CASP4: variants seen among roughly 807,000 people sequenced by gnomAD.
CASP4 encodes caspase-4.
Under a neutral mutation model 41.3 loss-of-function variants are expected in CASP4, and 29 were observed. That is an observed-to-expected ratio of 0.70 (90% CI 0.52 to 0.96). The LOEUF (loss-of-function observed/expected upper bound fraction) is 0.96. CASP4 is among the 40% of genes least tolerant of loss of function. The pLI is 0.00. For synonymous variants in CASP4, 185 were observed against 158.4 expected, an observed-to-expected ratio of 1.17 and a Z score of -1.26; for missense variants, 447 against 460.6, an observed-to-expected ratio of 0.97 and a Z score of 0.27.
chr11:104,955,241 C>T (rs1860712273), intron 1 of CASP4, among the ~76,000 whole-genome samples: 1 of 151,480 alleles, frequency 6.6e-6, no homozygotes. Flanking sequence ...TTTCTTTTAG[C>T]TTCTCAACTT....
At chr11:104,945,610 CAAGCT>C (rs1194357124) in intron 7 of CASP4, among the ~76,000 whole-genome samples, 1 of 152,106 alleles carries the variant, frequency 6.6e-6, no homozygotes, top group East Asian at 1.9e-4. Flanking sequence ...TCTCCACCAC[CAAGCT>C]GATCTTGTAG....
rs181737707 is a variant in CASP4, at chr11:104,946,370, C to T, written c.1035+713G>A. 2.6e-5 allele frequency among the ~76,000 whole-genome samples: 4 copies of T among 152,106 alleles called. No individual in the cohort carries two copies. In the East Asian group the frequency reaches 7.7e-4, roughly 29 times the overall value. On this transcript the variant is annotated intron_variant, in intron 7 of 8. Coordinates refer to ENST00000444739, the MANE Select transcript of CASP4 (RefSeq NM_001225.4). ...GCTACGTGCCAGGTTTGTTGAATTGCTGAGCAAATCCCTGCCATCACGAAG... is the reference window on the plus strand; with the variant it reads ...GCTACGTGCCAGGTTTGTTGAATTGTTGAGCAAATCCCTGCCATCACGAAG...
chr11:104,945,733 C>T (rs1482878504), intron 7 of CASP4, among the ~76,000 whole-genome samples: 1 of 152,110 alleles, frequency 6.6e-6, no homozygotes, highest in Non-Finnish European at 1.5e-5. Flanking sequence ...CCCACTTATC[C>T]AAGAAGATTT....
intron 1 of CASP4, among the ~76,000 whole-genome samples, chr11:104,963,505 G>C (rs1408020087): frequency 6.6e-6 from 1 of 152,148 alleles, no homozygotes; most frequent in Non-Finnish European, 1.5e-5. Flanking sequence ...TGAATTTTGG[G>C]GATATCAGAA....
chr11:104,967,266 A>T lies in CASP4; in HGVS notation c.7+1253T>A, dbSNP rs111753890. Among the ~76,000 whole-genome samples, 3 of 152,298 alleles carry T rather than the reference A, an allele frequency of 2.0e-5. 1 individual carries two copies. The highest frequency in any genetic ancestry group is 7.2e-5 in the African/African-American group (3 of 41,566). On this transcript the variant is annotated intron_variant, in intron 1 of 8. Transcript: ENST00000444739. ...TTATCTAATGATCCCTTGATTCCAG[A>T]GCTTAAGTTAAATGTTGTGAAGTTA... is the stretch of plus-strand genomic sequence containing the variant.
chr11:104,965,422 C>A (rs1341284477), intron 1 of CASP4, among the ~76,000 whole-genome samples: 1 of 152,230 alleles, frequency 6.6e-6, no homozygotes, highest in African/African-American at 2.4e-5. Context: ...GAGTGATCGA[C>A]AGCCTTTTCC....
chr11:104,966,591 C>G (rs2134663004), intron 1 of CASP4, among the ~76,000 whole-genome samples: 1 of 152,196 alleles, frequency 6.6e-6, no homozygotes, highest in South Asian at 2.1e-4. Flanking sequence ...CCCTGGAAAA[C>G]TAGGAGCTGG....
chr11:104,950,882 G>T, intron 4 of CASP4, 43 bp downstream of exon 4: 1 of 1,583,482 alleles, frequency 6.3e-7, no homozygotes. Context: ...AGAAGGATGT[G>T]TCTTGAATAT....
At chr11:104,949,050 A>AG in intron 5 of CASP4, 1 of 213,788 alleles carries the variant, frequency 4.7e-6, no homozygotes, top group Non-Finnish European at 9.5e-6. Context: ...CACCATCCTC[A>AG]GCCAGCCATG....
At chr11:104,943,762 C>T (rs572091311) in intron 8 of CASP4, 1 of 152,268 alleles carries the variant, frequency 6.6e-6, no homozygotes, top group South Asian at 2.1e-4. Context: ...CCAAATGCAG[C>T]CCCACTGGAT....
At chr11:104,944,721 T>C (rs377356486) in intron 8 of CASP4, 27 bp downstream of exon 8, 6 of 1,379,134 alleles carry the variant, frequency 4.4e-6, no homozygotes, top group Non-Finnish European at 6.2e-6. Context: ...TTATTTCACA[T>C]ACCACCAACA....
chr11:104,942,930 G>T lies in CASP4; in HGVS notation c.*49C>A, dbSNP rs200421231. 1 of 456,014 alleles carries T rather than the reference G, an allele frequency of 2.2e-6. No homozygotes were observed. The highest frequency in any genetic ancestry group is 1.5e-5 in the South Asian group (1 of 64,556). The allele number at this position is 456,014 out of a possible 1,614,324, so 28.2% of individuals were successfully genotyped here. A position where few individuals can be genotyped will look rare whatever the true frequency, so the allele number is the denominator to read the frequency against. ...ATATGCAAGCTGTACTAATGAAGGT[G>T]CTCCTTGAAGTTGATTAAGGAGGGC... On this transcript the variant is annotated 3_prime_UTR_variant, in exon 9 of 9. Coordinates refer to ENST00000444739, the MANE Select transcript of CASP4 (RefSeq NM_001225.4).
At position 104,949,688 on chromosome 11, in the gene CASP4, G is replaced by T; in HGVS notation, c.636C>A (p.Ile212=). The T allele has an allele frequency of 6.2e-7, 1 of 1,613,932 alleles. No homozygotes were observed. Among genetic ancestry groups the T allele is most frequent in the Non-Finnish European group, 8.5e-7 (1 of 1,179,896 alleles). Residue 212 remains isoleucine (I), a synonymous_variant, in exon 5 of 9, where the codon ATC becomes ATA. Coordinates refer to ENST00000444739, the MANE Select transcript of CASP4 (RefSeq NM_001225.4). The stretch of plus-strand genomic sequence containing the variant: ...GCACAGTTCCGCAGATTCCCTCCAG[G>T]ATGCCATGAGACATGAGTACCAAGA... ...STFLVLMSHG[I]LEGICGTVHD... is the part of the protein sequence containing the mutation.
Position 104,951,895 on chromosome 11 carries a change from C to T in CASP4, c.372+1G>A, listed in dbSNP as rs370720701. On this transcript the variant is annotated splice_donor_variant, in intron 3 of 8. Coordinates refer to ENST00000444739, the MANE Select transcript of CASP4 (RefSeq NM_001225.4). LOFTEE classifies it high-confidence loss of function. The stretch of plus-strand genomic sequence containing the variant: ...TCTATTTCATATAGATAGCATAGCA[C>T]CTCTTCAGCTCTTTCTTTACATAGT... 5.0e-6 allele frequency: 8 copies of T among 1,584,362 alleles called. No homozygotes were observed. Among genetic ancestry groups the T allele is most frequent in the Admixed American group, 1.7e-5 (1 of 59,814 alleles).
chr11:104,944,431 T>C (rs757811525), intron 8 of CASP4: 1 of 267,552 alleles, frequency 3.7e-6, no homozygotes, highest in African/African-American at 2.2e-5. Flanking sequence ...CTATGAGAGA[T>C]AAATGAATAT....
intron 3 of CASP4, chr11:104,951,666 A>G (rs564430325): frequency 5.3e-5 from 30 of 563,100 alleles, no homozygotes; most frequent in African/African-American, 4.5e-4. Flanking sequence ...ATACAGGAGC[A>G]ATAGAAATAC....
intron 1 of CASP4, among the ~76,000 whole-genome samples, chr11:104,958,143 T>A (rs1161659467): frequency 1.3e-5 from 2 of 152,124 alleles, no homozygotes; most frequent in Non-Finnish European, 2.9e-5. Context: ...CAAAATGAGT[T>A]AAATATGTAA....
intron 2 of CASP4, among the ~76,000 whole-genome samples, chr11:104,953,709 A>T (rs1453096849): frequency 6.6e-6 from 1 of 152,140 alleles, no homozygotes; most frequent in Non-Finnish European, 1.5e-5. Context: ...ATTTATCATT[A>T]TTGGTAATCT....
intron 4 of CASP4, 130 bp downstream of exon 4, chr11:104,950,795 T>TACACACAC (rs1360209388): frequency 3.2e-4 from 30 of 93,708 alleles, no homozygotes; most frequent in Middle Eastern, 3.0e-3. Context: ...TCTTATTTTG[T>TACACACAC]ATACACACAC....
Sources: allele counts gnomAD v4.1 joint callset (sites outside exome capture counted in the v4.1 genomes callset), GRCh38; gene constraint gnomAD v4.1.1; transcripts MANE v1.5; gene names NCBI Gene and HGNC (gene_info 2026-07-23, HGNC 2026-07-21).